KIRREL3: variants seen among roughly 807,000 people sequenced by gnomAD.
The protein encoded by KIRREL3 is kirre like nephrin family adhesion molecule 3.
Under a neutral mutation model 89.7 loss-of-function variants are expected in KIRREL3, and 36 were observed. That is an observed-to-expected ratio of 0.40 (90% CI 0.31 to 0.53). KIRREL3 has a LOEUF of 0.53. Among genes scored for constraint, KIRREL3 ranks in the 20% least tolerant of loss-of-function variants. The pLI is 0.49. For synonymous variants in KIRREL3, 445 were observed against 441.4 expected (o/e 1.01, Z -0.10); for missense variants, 864 against 1,056.6 (o/e 0.82, Z 2.53).
intron 1 of KIRREL3, among the ~76,000 whole-genome samples, chr11:126,992,152 CT>C (rs2135280213): frequency 6.6e-6 from 1 of 152,332 alleles, no homozygotes; most frequent in East Asian, 1.9e-4. Flanking sequence ...AGAAAATTTG[CT>C]GGCAAAGAGC....
rs1441965837 is a variant in KIRREL3 at position 126,954,895 on chromosome 11, C to T, written c.55+45560G>A. On this transcript the variant is annotated intron_variant, in intron 1 of 16. Transcript: ENST00000525144. This position sits in a 1 kb window ranked among gnomAD's most constrained non-coding sequence, Gnocchi z 4.1. ...AGGTAATGAAAGCAGAAAGAAGACG[C>T]ACCTCAAACATACTGTGTGGGCAAC... 6.6e-6 allele frequency among the ~76,000 whole-genome samples: 1 copy of T among 152,186 alleles called. No individual in the cohort carries two copies. Among genetic ancestry groups the T allele is most frequent in the Admixed American group, 6.5e-5 (1 of 15,288 alleles).
chr11:126,442,313 AACACACACACACACACACACAC>A (rs71984147), intron 10 of KIRREL3, among the ~76,000 whole-genome samples: 8 of 136,604 alleles, frequency 5.9e-5, no homozygotes, highest in South Asian at 2.5e-4. Context: ...AGACACACAA[AACACACACACACACACACACAC>A]ACACACACAC....
intron 2 of KIRREL3, among the ~76,000 whole-genome samples, chr11:126,539,462 T>C (rs1422252806): frequency 2.0e-5 from 3 of 152,090 alleles, no homozygotes; most frequent in Admixed American, 6.6e-5. Context: ...GGAGGATGAA[T>C]GAAGGAGGAT....
In KIRREL3 at chr11:126,424,912, C is replaced by T; in HGVS notation, c.2005G>A (p.Val669Met). ...TTGGTGAAGGACATGCCTGTGGGCA[C>T]ACGCTGCTTGCCCGCAGGACGCAGG... ...PDLRPAGKQR[V>M]PTGMSFTNIY... is the part of the protein sequence containing the mutation. The change falls in exon 17 of 17, where the codon GTG (valine) becomes ATG (methionine). Residue 669 changes from valine (V) to methionine (M), a missense_variant. Physicochemically the swap from Val to Met is conservative, Grantham distance 21 (BLOSUM62 1). Transcript: ENST00000525144. 6.2e-7 allele frequency: 1 copy of T among 1,608,182 alleles called. No homozygotes were observed. The highest frequency in any genetic ancestry group is 1.1e-5 in the South Asian group (1 of 90,982).
rs749562068 is a variant in KIRREL3, at chr11:126,446,778, A to G, written c.1106T>C (p.Met369Thr). 1.9e-6 allele frequency: 3 copies of G among 1,602,506 alleles called. No individual in the cohort carries two copies. The change falls in exon 9 of 17, where the codon ATG (methionine) becomes ACG (threonine). Residue 369 changes from methionine (M) to threonine (T), a missense_variant. Transcript: ENST00000525144. ...TGNPSLTIVW[M>T]KRGSGVVLSN... ...CCTCACCACTCCGGAGCCCCGCTTC[A>G]TCCAGACGATGGTCAGGGATGGGTT... is the stretch of plus-strand genomic sequence containing the variant.
At chr11:126,450,190 CAT>C (rs1263219876) in intron 7 of KIRREL3, among the ~76,000 whole-genome samples, 1 of 150,686 alleles carries the variant, frequency 6.6e-6, no homozygotes, top group African/African-American at 2.5e-5. Flanking sequence ...TATGTGTGTG[CAT>C]GTGTGTTCAT....
intron 1 of KIRREL3, among the ~76,000 whole-genome samples, chr11:126,828,583 G>A (rs1819015671): frequency 6.6e-6 from 1 of 152,106 alleles, no homozygotes; most frequent in African/African-American, 2.4e-5. Flanking sequence ...GACATGAAGG[G>A]TGCACTCTGC....
At position 126,696,090 on chromosome 11, in the gene KIRREL3, C is replaced by A. The variant is rs146549722; in HGVS notation, c.56-133178G>T. ...CCAACATGGTGAAACCCCATCTCTA[C>A]TAAAAATACAAAAAAAATTAGCCTG... On this transcript the variant is annotated intron_variant, in intron 1 of 16. Coordinates refer to ENST00000525144, the MANE Select transcript of KIRREL3 (RefSeq NM_032531.4). This position sits in a 1 kb window ranked among gnomAD's most constrained non-coding sequence, Gnocchi z 4.4. 1.3e-5 allele frequency among the ~76,000 whole-genome samples: 2 copies of A among 151,904 alleles called. No individual in the cohort carries two copies. Among genetic ancestry groups the A allele is most frequent in the African/African-American group, 4.8e-5 (2 of 41,416 alleles).
chr11:126,795,566 G>A lies in KIRREL3; in HGVS notation c.55+204889C>T, dbSNP rs989734608. Among the ~76,000 whole-genome samples the A allele has an allele frequency of 3.3e-5, 5 of 151,768 alleles. No homozygotes were observed. Among genetic ancestry groups the A allele is most frequent in the African/African-American group, 9.7e-5 (4 of 41,306 alleles). On this transcript the variant is annotated intron_variant, in intron 1 of 16. Coordinates refer to ENST00000525144, the MANE Select transcript of KIRREL3 (RefSeq NM_032531.4). This position sits in a 1 kb window ranked among gnomAD's most constrained non-coding sequence, Gnocchi z 4.1. ...TTTAAAATATATTTTTAGTAGAGAC[G>A]GGGTTTCTACTAAAACCCTGTTGGC...
chr11:126,742,784 C>T lies in KIRREL3; in HGVS notation c.56-179872G>A, dbSNP rs1391674967. 6.6e-6 allele frequency among the ~76,000 whole-genome samples: 1 copy of T among 152,230 alleles called. No individual in the cohort carries two copies. The highest frequency in any genetic ancestry group is 2.1e-4 in the South Asian group (1 of 4,830). The stretch of plus-strand genomic sequence containing the variant: ...TCAGGGTGAGGTTAGGCAGCTAGAA[C>T]GTTATTGATCAACAACTTTGCCACA... On this transcript the variant is annotated intron_variant, in intron 1 of 16. Coordinates refer to ENST00000525144, the MANE Select transcript of KIRREL3 (RefSeq NM_032531.4). The surrounding 1 kb of genome is among the most constrained non-coding windows in gnomAD (Gnocchi z 5.3).
At position 126,742,179 on chromosome 11, in the gene KIRREL3, T is replaced by C. The variant is rs1949008131; in HGVS notation, c.56-179267A>G. ...CTTTAAAATAAGCCTTTAGAACAAA[T>C]GTAAATGGATCTTCAAAGAACAATA... On this transcript the variant is annotated intron_variant, in intron 1 of 16. Coordinates refer to ENST00000525144, the MANE Select transcript of KIRREL3 (RefSeq NM_032531.4). This position sits in a 1 kb window ranked among gnomAD's most constrained non-coding sequence, Gnocchi z 5.3. Among the ~76,000 whole-genome samples, 1 of 152,214 alleles carries C rather than the reference T, an allele frequency of 6.6e-6. No homozygotes were observed. Among genetic ancestry groups the C allele is most frequent in the Admixed American group, 6.5e-5 (1 of 15,282 alleles).
intron 1 of KIRREL3, among the ~76,000 whole-genome samples, chr11:126,863,204 C>T (rs1206792540): frequency 6.6e-6 from 1 of 152,232 alleles, no homozygotes; most frequent in Non-Finnish European, 1.5e-5. Context: ...TTGGAACGTG[C>T]TACCTGTGGG....
At chr11:126,542,794 G>C (rs1256124386) in intron 2 of KIRREL3, among the ~76,000 whole-genome samples, 2 of 152,198 alleles carry the variant, frequency 1.3e-5, no homozygotes, top group Non-Finnish European at 2.9e-5. Flanking sequence ...AGCAAACTTG[G>C]TGATAGCATT....
At chr11:126,756,110 A>G (rs909845171) in intron 1 of KIRREL3, among the ~76,000 whole-genome samples, 5 of 152,240 alleles carry the variant, frequency 3.3e-5, no homozygotes, top group Non-Finnish European at 7.3e-5. Context: ...TGGCCAATAA[A>G]GCTCATATTG....
Position 126,564,276 on chromosome 11 carries a change from CT to C in KIRREL3, c.56-1365del, listed in dbSNP as rs567949497. Among the ~76,000 whole-genome samples the C allele has an allele frequency of 8.5e-5, 13 of 152,344 alleles. No homozygotes were observed. The South Asian group carries it at 2.7e-3, about 32-fold the overall frequency. On this transcript the variant is annotated intron_variant, in intron 1 of 16. Transcript: ENST00000525144. The surrounding 1 kb of genome is among the most constrained non-coding windows in gnomAD (Gnocchi z 7.4). ...ACGGAGCGGGTCATTCCTCTTTCTC[CT>C]CTTCCATCCACCGTCTGCAGCCCAG...
chr11:126,971,594 A>C lies in KIRREL3; in HGVS notation c.55+28861T>G, dbSNP rs565995396. ...TATAGGAGAGTGAGTTCCTGTCGTG[A>C]GAGCACTGAAAGGAACCACAGAAAT... On this transcript the variant is annotated intron_variant, in intron 1 of 16. Coordinates refer to ENST00000525144, the MANE Select transcript of KIRREL3 (RefSeq NM_032531.4). Among the ~76,000 whole-genome samples the C allele has an allele frequency of 1.3e-4, 20 of 152,350 alleles. 1 individual carries two copies. The South Asian group carries it at 4.1e-3, about 32-fold the overall frequency.
chr11:126,429,198 G>A lies in KIRREL3; in HGVS notation c.1787C>T (p.Ser596Phe). 2 of 1,612,146 alleles carry A rather than the reference G, an allele frequency of 1.2e-6. No homozygotes were observed. The highest frequency in any genetic ancestry group is 1.7e-6 in the Non-Finnish European group (2 of 1,178,248). ...TCTTACCATCAGCTGCTTGATGGTG[G>A]AGTGCTCCTCACCCTCCCGACCAGA... ...PASGREGEEH[S>F]TIKQLMMDRG... Residue 596 changes from serine to phenylalanine, a missense_variant, in exon 15 of 17, where the codon TCC becomes TTC. Coordinates refer to ENST00000525144, the MANE Select transcript of KIRREL3 (RefSeq NM_032531.4). This position sits in a 1 kb window ranked among gnomAD's most constrained non-coding sequence, Gnocchi z 5.2.
In KIRREL3 at chr11:126,995,383, C is replaced by T. The variant is rs1161841490; in HGVS notation, c.55+5072G>A. 2 of 455,272 alleles carry T rather than the reference C, an allele frequency of 4.4e-6. No homozygotes were observed. The highest frequency in any genetic ancestry group is 2.4e-5 in the Admixed American group (1 of 42,538). The allele number at this position is 455,272 out of a possible 1,614,324, so 28.2% of individuals were successfully genotyped here. Reference sequence around the variant, plus strand: ...TCTCCACTGATGAATTAGAACACCCCTCTTCCCAGGCACAGGACGAGTTCA... The same window carrying T: ...TCTCCACTGATGAATTAGAACACCCTTCTTCCCAGGCACAGGACGAGTTCA... On this transcript the variant is annotated intron_variant, in intron 1 of 16. Transcript: ENST00000525144. The surrounding 1 kb of genome is among the most constrained non-coding windows in gnomAD (Gnocchi z 6.5).
intron 1 of KIRREL3, among the ~76,000 whole-genome samples, chr11:126,598,080 G>T (rs482042): frequency 0.34 from 51,915 of 152,148 alleles, 9,010 homozygotes; most frequent in Admixed American, 0.45. Context: ...ATGAGCAGGC[G>T]CAAGAATATT....
Sources: gnomAD v4.1 joint callset for allele counts (sites outside exome capture counted in the v4.1 genomes callset) on GRCh38, gnomAD v4.1.1 for gene constraint, Gnocchi (gnomAD v3.1) non-coding constraint, MANE v1.5 for transcripts, NCBI Gene and HGNC (gene_info 2026-07-23, HGNC 2026-07-21) for gene names.